TTC17: variants seen among roughly 807,000 people sequenced by gnomAD.
TTC17 encodes the protein tetratricopeptide repeat domain 17.
TTC17 carries 58 observed loss-of-function variants against 143.8 expected under a neutral mutation model. The observed-to-expected ratio is 0.40, with a 90% CI of 0.33 to 0.50. TTC17 has a LOEUF of 0.50. Among genes scored for constraint, TTC17 ranks in the 20% least tolerant of loss-of-function variants. TTC17 has a pLI of 0.49. For synonymous variants in TTC17, 501 were observed against 497.8 expected (o/e 1.01, Z -0.09); for missense variants, 1,273 against 1,392.5 (o/e 0.91, Z 1.37).
chr11:43,379,420 C>A, intron 2 of TTC17, 98 bp downstream of exon 2: 2 of 1,064,968 alleles, frequency 1.9e-6, no homozygotes, highest in South Asian at 1.5e-5. Context: ...TTTTTTAAGT[C>A]TGAGTCTTCT....
intron 1 of TTC17, among the ~76,000 whole-genome samples, chr11:43,360,869 G>A (rs1856076763): frequency 6.6e-6 from 1 of 152,036 alleles, no homozygotes; most frequent in Non-Finnish European, 1.5e-5. Flanking sequence ...TAAGTAATTA[G>A]GCTTAAAGTT....
At position 43,399,827 on chromosome 11, in the gene TTC17, G is replaced by T. The variant is rs907429445; in HGVS notation, c.1059-61G>T. 242 of 1,514,968 alleles carry T rather than the reference G, an allele frequency of 1.6e-4. 1 individual carries two copies. The highest frequency in any genetic ancestry group is 1.9e-4 in the Non-Finnish European group (217 of 1,131,262). The allele number at this position is 1,514,968 out of a possible 1,614,324, so 93.8% of individuals were successfully genotyped here. A position where few individuals can be genotyped will look rare whatever the true frequency, so the allele number is the denominator to read the frequency against. On this transcript the variant is annotated intron_variant, in intron 8 of 23. Transcript: ENST00000039989. ...GAACCAGAAAAATCTGTGCATTTAA[G>T]TGGGTTTAAAATTTATGATTTTATA...
chr11:43,388,549 A>G (rs1857256213), intron 2 of TTC17, among the ~76,000 whole-genome samples: 1 of 151,944 alleles, frequency 6.6e-6, no homozygotes, highest in Admixed American at 6.6e-5. Context: ...TTTTAAAAAA[A>G]AAATCTGAGC....
At chr11:43,471,850 AAG>A (rs763213518) in intron 21 of TTC17, among the ~76,000 whole-genome samples, 2 of 152,236 alleles carry the variant, frequency 1.3e-5, no homozygotes, top group Admixed American at 6.5e-5. Flanking sequence ...AATTTTTAAA[AAG>A]AGACAAAGGA....
At chr11:43,363,634 A>G (rs548933080) in intron 1 of TTC17, among the ~76,000 whole-genome samples, 15 of 152,202 alleles carry the variant, frequency 9.9e-5, no homozygotes, top group Non-Finnish European at 1.8e-4. Flanking sequence ...TCTTACTTAG[A>G]ACTGTGGACT....
chr11:43,425,286 T>G (rs73530614), intron 16 of TTC17, among the ~76,000 whole-genome samples: 13,562 of 152,122 alleles, frequency 0.089, 900 homozygotes, highest in Admixed American at 0.23. Context: ...ACCACTGCCC[T>G]TAAACCTGGG....
intron 16 of TTC17, among the ~76,000 whole-genome samples, chr11:43,431,096 A>G (rs776746109): frequency 6.6e-6 from 1 of 152,186 alleles, no homozygotes; most frequent in East Asian, 1.9e-4. Context: ...TGCAAAGGTT[A>G]TGAACTCATC....
At chr11:43,381,933 G>A (rs905185527) in intron 2 of TTC17, among the ~76,000 whole-genome samples, 3 of 152,210 alleles carry the variant, frequency 2.0e-5, no homozygotes, top group Non-Finnish European at 2.9e-5. Flanking sequence ...AAATGTTAAC[G>A]TTTGAAATGC....
chr11:43,452,482 C>G (rs2134759576), intron 21 of TTC17, among the ~76,000 whole-genome samples: 1 of 152,132 alleles, frequency 6.6e-6, no homozygotes, highest in African/African-American at 2.4e-5. Flanking sequence ...GCCTGGGTGA[C>G]AGAGTGAGAC....
chr11:43,450,325 G>T (rs114447891), intron 20 of TTC17, 84 bp downstream of exon 20: 15 of 1,413,810 alleles, frequency 1.1e-5, no homozygotes, highest in Non-Finnish European at 4.6e-6. Context: ...CCAGGTGACC[G>T]GGCCTTTTAA....
intron 18 of TTC17, chr11:43,444,633 A>G (rs1286424154): frequency 6.5e-6 from 1 of 154,846 alleles, no homozygotes; most frequent in Non-Finnish European, 1.4e-5. Context: ...GGGTATCAAT[A>G]TCATTTAAAG....
At position 43,398,060 on chromosome 11, in the gene TTC17, G is replaced by A. The variant is rs1857694080; in HGVS notation, c.1005G>A (p.Lys335=). ...RPGFEQAIKR[K]HAVLCQQKLE... is the part of the protein sequence containing the mutation. ...GGTTTGAGCAAGCTATAAAGAGGAA[G>A]CATGCTGTCCTATGTCAGCAAAAAC... is the stretch of plus-strand genomic sequence containing the variant. The change falls in exon 8 of 24, where the codon AAG becomes AAA. Residue 335 remains lysine (K), a synonymous_variant. Coordinates refer to ENST00000039989, the MANE Select transcript of TTC17 (RefSeq NM_018259.6). 1.9e-6 allele frequency: 3 copies of A among 1,614,032 alleles called. No homozygotes were observed. Among genetic ancestry groups the A allele is most frequent in the Admixed American group, 3.3e-5 (2 of 59,994 alleles).
intron 21 of TTC17, among the ~76,000 whole-genome samples, chr11:43,488,119 A>G (rs1050241056): frequency 1.3e-5 from 2 of 152,190 alleles, no homozygotes; most frequent in African/African-American, 2.4e-5. Context: ...TCTTGAGGAA[A>G]CTATTAGAAG....
intron 1 of TTC17, among the ~76,000 whole-genome samples, chr11:43,366,105 C>T (rs566577626): frequency 6.6e-6 from 1 of 151,964 alleles, no homozygotes; most frequent in African/African-American, 2.4e-5. Flanking sequence ...CTCAGCCTCC[C>T]GAGTAGCTGG....
intron 2 of TTC17, among the ~76,000 whole-genome samples, chr11:43,382,200 G>A (rs1418689774): frequency 6.6e-6 from 1 of 152,196 alleles, no homozygotes; most frequent in Non-Finnish European, 1.5e-5. Flanking sequence ...ATTTAAGAAT[G>A]AGGGCAAAGT....
Position 43,492,162 on chromosome 11 carries a change from TG to T in TTC17, c.3294+1del. 1 of 1,613,926 alleles carries T rather than the reference TG, an allele frequency of 6.2e-7. No homozygotes were observed. The highest frequency in any genetic ancestry group is 8.5e-7 in the Non-Finnish European group (1 of 1,179,914). ...ACTCTGGGCAATGTCTACGTGGCAA[TG>T]GTGAGATGGGGGTGTGAGCAGTATG... ...HFTLGNVYVA[M>X]EEFEKALVWY... On this transcript the variant is annotated frameshift_variant and splice_region_variant, in exon 23 of 24. Coordinates refer to ENST00000039989, the MANE Select transcript of TTC17 (RefSeq NM_018259.6). LOFTEE classifies it high-confidence loss of function.
chr11:43,415,570 AGATG>A (rs1470630533), intron 16 of TTC17, among the ~76,000 whole-genome samples: 2 of 152,168 alleles, frequency 1.3e-5, no homozygotes, highest in Non-Finnish European at 2.9e-5. Flanking sequence ...ATATTTAATC[AGATG>A]GATATTAGTT....
intron 4 of TTC17, 22 bp from the exon 5 acceptor site, chr11:43,391,799 T>C: frequency 6.2e-7 from 1 of 1,607,910 alleles, no homozygotes; most frequent in Non-Finnish European, 8.5e-7. Context: ...ATATGTCTTT[T>C]GAATCTTTTT....
At chr11:43,392,182 A>G (rs1857416407) in intron 5 of TTC17, among the ~76,000 whole-genome samples, 1 of 152,248 alleles carries the variant, frequency 6.6e-6, no homozygotes, top group Non-Finnish European at 1.5e-5. Flanking sequence ...TAAACTGATG[A>G]AAAACGAAAT....
Sources: gnomAD v4.1 joint callset for allele counts (sites outside exome capture counted in the v4.1 genomes callset) on GRCh38, gnomAD v4.1.1 for gene constraint, MANE v1.5 for transcripts, NCBI Gene and HGNC (gene_info 2026-07-23, HGNC 2026-07-21) for gene names.